KIDINS220: variants seen among roughly 807,000 people sequenced by gnomAD.
KIDINS220 encodes the protein kinase D interacting substrate 220, also known as kinase D-interacting substrate of 220 kDa.
KIDINS220 carries 63 observed loss-of-function variants against 157.6 expected under a neutral mutation model. The observed-to-expected ratio is 0.40, with a 90% CI of 0.33 to 0.49. The LOEUF (loss-of-function observed/expected upper bound fraction) is 0.49, where lower values mean the gene tolerates loss of function less well. Among genes scored for constraint, KIDINS220 ranks in the 20% least tolerant of loss-of-function variants. KIDINS220 has a pLI of 0.66. For missense variants in KIDINS220, 1,772 were observed against 2,171.2 expected (o/e 0.82, Z 3.65); for synonymous variants, 732 against 783.6 (o/e 0.93, Z 1.10).
At chr2:8,804,282 A>C (rs1000083297) in intron 7 of KIDINS220, among the ~76,000 whole-genome samples, 1 of 152,236 alleles carries the variant, frequency 6.6e-6, no homozygotes, top group African/African-American at 2.4e-5. Context: ...ACTATGACCC[A>C]AGATCTGGTA....
At chr2:8,771,789 T>C (rs1670270756) in intron 21 of KIDINS220, among the ~76,000 whole-genome samples, 2 of 152,256 alleles carry the variant, frequency 1.3e-5, no homozygotes, top group Admixed American at 1.3e-4. Flanking sequence ...AATCTGCTCA[T>C]ACACAGAAAT....
intron 1 of KIDINS220, among the ~76,000 whole-genome samples, chr2:8,829,873 C>G (rs564024735): frequency 6.6e-6 from 1 of 152,124 alleles, no homozygotes; most frequent in Non-Finnish European, 1.5e-5. Context: ...CTTCTAGGAT[C>G]AAGCCTAAGG....
intron 11 of KIDINS220, among the ~76,000 whole-genome samples, chr2:8,794,511 C>T (rs1029099806): frequency 2.0e-5 from 3 of 152,202 alleles, no homozygotes; most frequent in Non-Finnish European, 4.4e-5. Flanking sequence ...AATCTCATCA[C>T]TCTACATTCT....
At chr2:8,721,529 C>G (rs1662959222), downstream of KIDINS220, 1 of 152,124 alleles carries the variant, frequency 6.6e-6, no homozygotes, top group African/African-American at 2.4e-5. Context: ...TTTTACTTTT[C>G]CAAAACAGAA....
Position 8,785,868 on chromosome 2 carries a change from C to A in KIDINS220, c.2102G>T (p.Gly701Val), listed in dbSNP as rs1321650239. 1.2e-6 allele frequency: 2 copies of A among 1,613,706 alleles called. No homozygotes were observed. The highest frequency in any genetic ancestry group is 4.5e-5 in the East Asian group (2 of 44,878). The change falls in exon 17 of 30, where the codon GGA becomes GTA. Residue 701 changes from glycine (G) to valine (V), a missense_variant. Around this residue, in one of 3 missense-constraint regions of KIDINS220, gnomAD observed 725 missense variants for 1,017.1 expected, o/e 0.71. Transcript: ENST00000256707. ...ACGACAGTTCAACACAAAGGCCAATCCCACTACAGATGCGATTGATATGAG... is the reference window on the plus strand; with the variant it reads ...ACGACAGTTCAACACAAAGGCCAATACCACTACAGATGCGATTGATATGAG... ...AVLISIASVV[G>V]LAFVLNCRTW... is the part of the protein sequence containing the mutation.
chr2:8,822,007 T>G (rs1387905905), intron 2 of KIDINS220, among the ~76,000 whole-genome samples: 2 of 152,286 alleles, frequency 1.3e-5, no homozygotes, highest in East Asian at 3.9e-4. Context: ...AACACAGGAT[T>G]ACATTCCACA....
chr2:8,755,197 C>A (rs188053812), intron 22 of KIDINS220, among the ~76,000 whole-genome samples: 2 of 152,346 alleles, frequency 1.3e-5, no homozygotes, highest in East Asian at 3.9e-4. Flanking sequence ...GCTGGCTACA[C>A]CCTTCCATCT....
intron 22 of KIDINS220, among the ~76,000 whole-genome samples, chr2:8,759,111 A>G (rs1389461644): frequency 1.3e-5 from 2 of 152,230 alleles, no homozygotes; most frequent in Admixed American, 6.5e-5. Context: ...GAGTAACTAC[A>G]CTAGGAAACA....
rs773100739 is a variant in KIDINS220, at chr2:8,736,979, G to C, written c.3606C>G (p.Gly1202=). Residue 1202 remains glycine (G), a synonymous_variant, in exon 27 of 30, where the codon GGC becomes GGG. Coordinates refer to ENST00000256707, the MANE Select transcript of KIDINS220 (RefSeq NM_020738.4). The part of the protein sequence containing the change: ...DSSRGSGPAP[G]PVVLLNSLNV... Reference sequence around the variant, plus strand: ...TCAGTGAATTCAGTAATACCACTGGGCCTGGGGCTGGGCCTGACCCCTAGA... The same window carrying C: ...TCAGTGAATTCAGTAATACCACTGGCCCTGGGGCTGGGCCTGACCCCTAGA... 1 of 1,614,154 alleles carries C rather than the reference G, an allele frequency of 6.2e-7. No individual in the cohort carries two copies. Among genetic ancestry groups the C allele is most frequent in the South Asian group, 1.1e-5 (1 of 91,080 alleles).
intron 13 of KIDINS220, among the ~76,000 whole-genome samples, 186 bp downstream of exon 13, chr2:8,790,874 A>T (rs1673089539): frequency 1.3e-5 from 2 of 152,252 alleles, no homozygotes; most frequent in African/African-American, 4.8e-5. Context: ...GTTATCACAC[A>T]ATTGGATCTG....
Position 8,774,860 on chromosome 2 carries a change from T to C in KIDINS220, c.2848+1888A>G, listed in dbSNP as rs566506297. 6.5e-4 allele frequency among the ~76,000 whole-genome samples: 99 copies of C among 152,300 alleles called. No individual in the cohort carries two copies. In the South Asian group the frequency reaches 7.0e-3, roughly 11 times the overall value. The stretch of plus-strand genomic sequence containing the variant: ...TGAGCAGAGAATAACATGACTGGCT[T>C]CTATTTTAAAAGAATCACTGTGGTT... On this transcript the variant is annotated intron_variant, in intron 21 of 29. Transcript: ENST00000256707.
At position 8,788,932 on chromosome 2, in the gene KIDINS220, C is replaced by T. The variant is rs1672804322; in HGVS notation, c.1622-120G>A. 1.4e-5 allele frequency: 11 copies of T among 798,722 alleles called. No individual in the cohort carries two copies. In the East Asian group the frequency reaches 2.1e-4, roughly 15 times the overall value. The allele number at this position is 798,722 out of a possible 1,614,324, so 49.5% of individuals were successfully genotyped here. On this transcript the variant is annotated intron_variant, in intron 14 of 29. Coordinates refer to ENST00000256707, the MANE Select transcript of KIDINS220 (RefSeq NM_020738.4). ...TTACATAGCTTCCTATGGTCCCATA[C>T]TATTTCCTAACTACTCCTCAAAGAA...
chr2:8,778,074 T>G (rs2148202780), intron 20 of KIDINS220, among the ~76,000 whole-genome samples: 1 of 152,346 alleles, frequency 6.6e-6, no homozygotes, highest in South Asian at 2.1e-4. Context: ...AATATCTTCC[T>G]GTCATATGCA....
chr2:8,779,001 T>C lies in KIDINS220; in HGVS notation c.2509A>G (p.Ile837Val), dbSNP rs199849730. 4.3e-6 allele frequency: 7 copies of C among 1,614,202 alleles called. No individual in the cohort carries two copies. The African/African-American group carries it at 8.0e-5, about 18-fold the overall frequency. Residue 837 changes from isoleucine to valine, a missense_variant, in exon 19 of 30, where the codon ATA (isoleucine) becomes GTA (valine). By Grantham distance (29) the Ile-to-Val change is conservative. Coordinates refer to ENST00000256707, the MANE Select transcript of KIDINS220 (RefSeq NM_020738.4). ...NINGHDYMRN[I>V]VHLPVFLNSR... ...TTAAGGAACACAGGCAAGTGGACTATGTTGCGCATGTAGTCATGGCCATTT... is the reference window on the plus strand; with the variant it reads ...TTAAGGAACACAGGCAAGTGGACTACGTTGCGCATGTAGTCATGGCCATTT...
chr2:8,770,220 A>G (rs1670009453), intron 22 of KIDINS220, among the ~76,000 whole-genome samples: 1 of 152,030 alleles, frequency 6.6e-6, no homozygotes, highest in Non-Finnish European at 1.5e-5. Context: ...CCTGGGCAAC[A>G]CTGCAAGTCC....
rs1473292369 is a variant in KIDINS220, at chr2:8,733,621, A to G, written c.3876T>C (p.Ser1292=). ...HVVPEDPRFL[S]ESSSGPAPHG... The stretch of plus-strand genomic sequence containing the variant: ...GCGGGGCTGGGCCACTGCTGCTCTC[A>G]CTGAGGAAACGTGGGTCTTCAGGGA... The change falls in exon 29 of 30, where the codon AGT becomes AGC. Residue 1292 remains serine (S), a synonymous_variant. Transcript: ENST00000256707. 6.2e-7 allele frequency: 1 copy of G among 1,611,100 alleles called. No homozygotes were observed. Among genetic ancestry groups the G allele is most frequent in the East Asian group, 2.2e-5 (1 of 44,752 alleles).
chr2:8,792,542 C>T (rs761320152), intron 12 of KIDINS220, among the ~76,000 whole-genome samples: 28 of 152,190 alleles, frequency 1.8e-4, no homozygotes, highest in Non-Finnish European at 3.4e-4. Flanking sequence ...TACAAGATCT[C>T]AATTTCACTA....
At position 8,736,966 on chromosome 2, in the gene KIDINS220, G is replaced by A. The variant is rs1474199866; in HGVS notation, c.3619C>T (p.Leu1207=). The A allele has an allele frequency of 5.0e-6, 8 of 1,614,146 alleles. No homozygotes were observed. The South Asian group carries it at 8.8e-5, about 18-fold the overall frequency. Residue 1207 remains leucine (L), a synonymous_variant, in exon 27 of 30, where the codon CTG becomes TTG. Transcript: ENST00000256707. ...SGPAPGPVVL[L]NSLNVDAVCE... ...ACTGCATCCACATTCAGTGAATTCA[G>A]TAATACCACTGGGCCTGGGGCTGGG... is the stretch of plus-strand genomic sequence containing the variant.
In KIDINS220 at chr2:8,730,533, T is replaced by C; in HGVS notation, c.*187A>G. 1 of 1,427,548 alleles carries C rather than the reference T, an allele frequency of 7.0e-7. No individual in the cohort carries two copies. Among genetic ancestry groups the C allele is most frequent in the Admixed American group, 2.9e-5 (1 of 34,192 alleles). The allele number at this position is 1,427,548 out of a possible 1,614,324, so 88.4% of individuals were successfully genotyped here. ...TTCTAATTACAAAGACCACAGAGGCTGGCTGGTGAGCCATGCTTCTCATGC... is the reference window on the plus strand; with the variant it reads ...TTCTAATTACAAAGACCACAGAGGCCGGCTGGTGAGCCATGCTTCTCATGC... On this transcript the variant is annotated 3_prime_UTR_variant, in exon 30 of 30. Coordinates refer to ENST00000256707, the MANE Select transcript of KIDINS220 (RefSeq NM_020738.4).
Sources: allele counts gnomAD v4.1 joint callset (sites outside exome capture counted in the v4.1 genomes callset), GRCh38; gene constraint gnomAD v4.1.1; regional missense constraint gnomAD v4.1.1; transcripts MANE v1.5; gene names NCBI Gene and HGNC (gene_info 2026-07-23, HGNC 2026-07-21).